PHKA1: variants seen among roughly 807,000 people sequenced by gnomAD.
The protein encoded by PHKA1 is phosphorylase kinase regulatory subunit alpha 1.
Under a neutral mutation model 110.2 loss-of-function variants are expected in PHKA1, and 60 were observed. The ratio of observed to expected loss-of-function variants is 0.54; its 90% confidence interval spans 0.44 to 0.68. The LOEUF (loss-of-function observed/expected upper bound fraction) is 0.68. PHKA1 is among the 30% of genes least tolerant of loss of function. PHKA1 has a pLI of 0.00. For synonymous variants in PHKA1, 316 were observed against 333.6 expected (o/e 0.95, Z 0.58); for missense variants, 801 against 942.5 (o/e 0.85, Z 1.97).
intron 13 of PHKA1, among the ~76,000 whole-genome samples, chrX:72,647,026 G>A (rs1483751613): frequency 3.6e-5 from 4 of 109,952 alleles, no homozygotes; most frequent in African/African-American, 1.3e-4. Flanking sequence ...CAGCTACTCC[G>A]GAGGCTGAGG....
At chrX:72,610,903 A>G (rs1017573173) in intron 22 of PHKA1, 125 bp downstream of exon 22, 1 of 497,600 alleles carries the variant, frequency 2.0e-6, no homozygotes. Flanking sequence ...TGAATATCAA[A>G]TTTTATGTGG....
rs113352627 is a variant in PHKA1 at position 72,635,155 on chromosome X, C to A, written c.1714G>T (p.Asp572Tyr). The A allele has an allele frequency of 2.5e-6, 3 of 1,211,614 alleles. No homozygotes were observed. The South Asian group carries it at 5.3e-5, about 21-fold the overall frequency. The change falls in exon 16 of 32, where the codon GAT becomes TAT. Residue 572 changes from aspartate (D) to tyrosine (Y), a missense_variant and splice_region_variant. Asp to Tyr is a radical substitution (Grantham distance 160). Around this residue, in one of 2 missense-constraint regions of PHKA1, gnomAD observed 502 missense variants for 519.2 expected, o/e 0.97. Coordinates refer to ENST00000373542, the MANE Select transcript of PHKA1 (RefSeq NM_002637.4). The stretch of plus-strand genomic sequence containing the variant: ...GTTCCTTGCCTCATGCAGCCCTTAC[C>A]AAGCATGCTGTGTGAGATGGGGAAG... The part of the protein sequence containing the change: ...ITFPISHSML[D>Y]EDGTSLNSSI...
At chrX:72,599,720 A>ATT in intron 28 of PHKA1, 1 of 369,273 alleles carries the variant, frequency 2.7e-6, no homozygotes, top group Non-Finnish European at 4.9e-6. Flanking sequence ...TTCTTGATTA[A>ATT]TTTTTTTTTT....
intron 14 of PHKA1, among the ~76,000 whole-genome samples, chrX:72,644,132 T>C (rs1196404456): frequency 5.4e-5 from 6 of 111,349 alleles, no homozygotes; most frequent in African/African-American, 1.6e-4. Context: ...AGATACAATA[T>C]TGGCTGATAA....
Position 72,584,260 on chromosome X carries a change from T to C in PHKA1, c.3286A>G (p.Thr1096Ala). ...AAAGAGACTCTTACCTCTCTAGTGGTAGAGGAAGGAAGGACAAACCCTTCA... is the reference window on the plus strand; with the variant it reads ...AAAGAGACTCTTACCTCTCTAGTGGCAGAGGAAGGAAGGACAAACCCTTCA... ...SVEGFVLPSS[T>A]TREMTPGEIK... Residue 1096 changes from threonine (T) to alanine (A), a missense_variant, in exon 30 of 32, where the codon ACC becomes GCC. Around this residue, in one of 2 missense-constraint regions of PHKA1, gnomAD observed 502 missense variants for 519.2 expected, o/e 0.97. Coordinates refer to ENST00000373542, the MANE Select transcript of PHKA1 (RefSeq NM_002637.4). 1 of 1,204,132 alleles carries C rather than the reference T, an allele frequency of 8.3e-7. No individual in the cohort carries two copies. Among genetic ancestry groups the C allele is most frequent in the East Asian group, 3.0e-5 (1 of 33,803 alleles).
chrX:72,675,530 A>G (rs782795852), intron 6 of PHKA1, among the ~76,000 whole-genome samples: 55 of 111,613 alleles, frequency 4.9e-4, no homozygotes, highest in Middle Eastern at 4.6e-3. Flanking sequence ...CATATTTCTC[A>G]TAATGGATAT....
intron 23 of PHKA1, among the ~76,000 whole-genome samples, chrX:72,609,342 G>T (rs1380908989): frequency 8.9e-6 from 1 of 112,258 alleles, no homozygotes; most frequent in African/African-American, 3.2e-5. Context: ...TCCAGAGTAT[G>T]GCTGACATTT....
intron 22 of PHKA1, among the ~76,000 whole-genome samples, chrX:72,610,062 T>A (rs1296594773): frequency 9.0e-6 from 1 of 111,571 alleles, no homozygotes; most frequent in African/African-American, 3.3e-5. Context: ...CATGTAATGA[T>A]CAAACCTGGG....
intron 21 of PHKA1, 129 bp downstream of exon 21, chrX:72,618,581 A>G (rs372739415): frequency 1.7e-5 from 9 of 540,275 alleles, no homozygotes; most frequent in Non-Finnish European, 1.9e-5. Context: ...TTGAAGTCAC[A>G]TGATGGATAG....
intron 13 of PHKA1, among the ~76,000 whole-genome samples, chrX:72,649,584 A>G (rs781801985): frequency 1.8e-5 from 2 of 112,105 alleles, no homozygotes; most frequent in East Asian, 5.6e-4. Context: ...AATAAAAACA[A>G]AAGTTTGGAG....
intron 21 of PHKA1, among the ~76,000 whole-genome samples, chrX:72,613,126 C>T (rs1469965561): frequency 3.6e-5 from 4 of 111,045 alleles, no homozygotes; most frequent in Non-Finnish European, 7.6e-5. Context: ...CAGGCAAGTC[C>T]CAGAACTGTG....
chrX:72,655,919 C>T (rs2053491621), intron 10 of PHKA1, among the ~76,000 whole-genome samples: 1 of 112,175 alleles, frequency 8.9e-6, no homozygotes, highest in African/African-American at 3.2e-5. Flanking sequence ...CACACGCGGC[C>T]GAAACCAAAA....
At chrX:72,660,449 A>C in intron 8 of PHKA1, 1 of 245,053 alleles carries the variant, frequency 4.1e-6, no homozygotes. Context: ...GCATCTAAGA[A>C]TCAACATAAG....
chrX:72,593,198 C>T lies in PHKA1; in HGVS notation c.3149G>A (p.Arg1050His), dbSNP rs782453258. ...AYDQQSSKDS[R>H]QGQWQRRRRL... ...TCTTCGGCGTTGCCATTGACCTTGA[C>T]GACTATCTTTAGATGACTGCTGATC... Residue 1050 changes from arginine (R) to histidine (H), a missense_variant, in exon 29 of 32, where the codon CGT becomes CAT. Coordinates refer to ENST00000373542, the MANE Select transcript of PHKA1 (RefSeq NM_002637.4). 4.3e-5 allele frequency: 52 copies of T among 1,196,301 alleles called. No homozygotes were observed. The highest frequency in any genetic ancestry group is 4.8e-5 in the Non-Finnish European group (42 of 882,457).
intron 3 of PHKA1, among the ~76,000 whole-genome samples, chrX:72,696,915 G>A (rs782691613): frequency 9.0e-6 from 1 of 111,452 alleles, no homozygotes; most frequent in South Asian, 3.9e-4. Context: ...AAACCAACAG[G>A]ACAATTTGCT....
intron 21 of PHKA1, among the ~76,000 whole-genome samples, chrX:72,617,903 C>T (rs2052922117): frequency 9.1e-6 from 1 of 110,271 alleles, no homozygotes; most frequent in African/African-American, 3.3e-5. Context: ...CCAGCATTAC[C>T]CTGATACCAA....
In PHKA1 at chrX:72,656,233, G is replaced by A. The variant is rs782696568; in HGVS notation, c.928C>T (p.Arg310Cys). The A allele has an allele frequency of 1.2e-5, 14 of 1,208,257 alleles. No individual in the cohort carries two copies. Among genetic ancestry groups the A allele is most frequent in the South Asian group, 5.3e-5 (3 of 56,773 alleles). ...AGCTCAGCTGGTTCATAGTACAGACGATTGGGATCCTAGTAAAAACACAAT... is the reference window on the plus strand; with the variant it reads ...AGCTCAGCTGGTTCATAGTACAGACAATTGGGATCCTAGTAAAAACACAAT... ...GYKTPKEDPN[R>C]LYYEPAELKL... Residue 310 changes from arginine to cysteine, a missense_variant, in exon 10 of 32, where the codon CGT becomes TGT. Physicochemically the swap from Arg to Cys is radical, Grantham distance 180. Coordinates refer to ENST00000373542, the MANE Select transcript of PHKA1 (RefSeq NM_002637.4).
chrX:72,588,923 G>A (rs182568599), intron 29 of PHKA1, among the ~76,000 whole-genome samples: 46 of 111,746 alleles, frequency 4.1e-4, no homozygotes, highest in African/African-American at 1.4e-3. Flanking sequence ...TTCTGAAATT[G>A]AGGCAATAAT....
rs782324607 is a variant in PHKA1, at chrX:72,581,019, T to C, written c.3655A>G (p.Ile1219Val). The C allele has an allele frequency of 2.5e-6, 3 of 1,211,082 alleles. No homozygotes were observed. In the East Asian group the frequency reaches 8.9e-5, roughly 36 times the overall value. ...CAAAGCCCTCATTGCATGGCACAGA[T>C]GCTGTGGGGCAGGAACTCCTGCACG... is the stretch of plus-strand genomic sequence containing the variant. ...TYVQEFLPHS[I>V]CAMQ Residue 1219 changes from isoleucine (I) to valine (V), a missense_variant, in exon 32 of 32, where the codon ATC becomes GTC. Ile to Val is a conservative substitution (Grantham distance 29). This residue lies in a region of PHKA1 where 502 missense variants were observed against 519.2 expected (regional missense o/e 0.97). Transcript: ENST00000373542.
Sources: gnomAD v4.1 joint callset for allele counts (sites outside exome capture counted in the v4.1 genomes callset) on GRCh38, gnomAD v4.1.1 for gene constraint, gnomAD v4.1.1 regional missense constraint, MANE v1.5 for transcripts, NCBI Gene and HGNC (gene_info 2026-07-23, HGNC 2026-07-21) for gene names.